Variants in WWOX observed in about 807,000 individuals in gnomAD.
WWOX encodes the protein WW domain containing oxidoreductase, also known as WW domain-containing oxidoreductase.
A neutral mutation model predicts 46.2 loss-of-function variants in WWOX; 69 were observed. The ratio of observed to expected loss-of-function variants is 1.49; its 90% CI spans 1.23 to 1.82. WWOX has a LOEUF of 1.82. Among genes scored for constraint, WWOX ranks in the 40% most tolerant of loss-of-function variants. The pLI is 0.00. For synonymous variants in WWOX, 359 were observed against 202.6 expected (o/e 1.77, Z -6.56); for missense variants, 919 against 542.6 (o/e 1.69, Z -6.89).
chr16:78,945,256 C>T (rs183421306), intron 8 of WWOX, among the ~76,000 whole-genome samples: 1 of 152,246 alleles, frequency 6.6e-6, no homozygotes, highest in African/African-American at 2.4e-5. Context: ...AACAGTGGCA[C>T]CAGTTCTTCT....
At position 78,432,659 on chromosome 16, in the gene WWOX, G is replaced by A. The variant is rs762380974; in HGVS notation, c.963G>A (p.Val321=). 3 of 1,614,194 alleles carry A rather than the reference G, an allele frequency of 1.9e-6. No homozygotes were observed. Among genetic ancestry groups the A allele is most frequent in the Non-Finnish European group, 2.5e-6 (3 of 1,180,032 alleles). ...CACGCGGGGTCACGTCGAACGCAGT[G>A]CATCCTGGAAATATGATGTACTCCA... ...LSPRGVTSNA[V]HPGNMMYSNI... The change falls in exon 8 of 9, where the codon GTG becomes GTA. Residue 321 remains valine, a synonymous_variant. Transcript: ENST00000566780.
In WWOX at chr16:78,843,204, A is replaced by G. The variant is rs1200042706; in HGVS notation, c.1057-368404A>G. ...AGGAGAGGAAAATTCAATAAACACA[A>G]AAGCAAAGATTAGAACGTTGAAAGC... On this transcript the variant is annotated intron_variant, in intron 8 of 8. Transcript: ENST00000566780. Among the ~76,000 whole-genome samples the G allele has an allele frequency of 1.3e-5, 2 of 150,096 alleles. 1 individual carries two copies. The highest frequency in any genetic ancestry group is 3.0e-5 in the Non-Finnish European group (2 of 67,050).
chr16:78,343,808 C>T (rs185837911), intron 5 of WWOX, among the ~76,000 whole-genome samples: 2 of 120,400 alleles, frequency 1.7e-5, no homozygotes, highest in East Asian at 3.9e-4. Context: ...AGTTCTTTGT[C>T]ATTCAGCTGC....
chr16:79,114,385 T>A (rs984611465), intron 8 of WWOX, among the ~76,000 whole-genome samples: 4 of 151,588 alleles, frequency 2.6e-5, no homozygotes, highest in African/African-American at 9.7e-5. Context: ...TGCACACATA[T>A]CTACGTATCT....
rs576417734 is a variant in WWOX, at chr16:79,152,427, T to C, written c.1057-59181T>C. 7.9e-5 allele frequency among the ~76,000 whole-genome samples: 12 copies of C among 152,200 alleles called. No homozygotes were observed. In the South Asian group the frequency reaches 2.5e-3, roughly 32 times the overall value. On this transcript the variant is annotated intron_variant, in intron 8 of 8. Coordinates refer to ENST00000566780, the MANE Select transcript of WWOX (RefSeq NM_016373.4). The stretch of plus-strand genomic sequence containing the variant: ...TGTCTCATGCCTGTAATCCCAGCAC[T>C]TTGGGACGATGAGGCGGGCGGATCA...
At chr16:78,829,632 C>G (rs1403149793) in intron 8 of WWOX, among the ~76,000 whole-genome samples, 1 of 152,116 alleles carries the variant, frequency 6.6e-6, no homozygotes, top group East Asian at 1.9e-4. Context: ...TCACACCTTT[C>G]CCTTAGCCTG....
chr16:78,386,469 A>C (rs1357951597), intron 5 of WWOX, among the ~76,000 whole-genome samples: 2 of 152,150 alleles, frequency 1.3e-5, no homozygotes, highest in African/African-American at 2.4e-5. Context: ...GCAGCTTTTG[A>C]AATTAAGATA....
chr16:78,900,980 C>A (rs370945235), intron 8 of WWOX, among the ~76,000 whole-genome samples: 1 of 152,168 alleles, frequency 6.6e-6, no homozygotes, highest in Admixed American at 6.5e-5. Flanking sequence ...ACCACAGTTT[C>A]CATGAGCGTT....
chr16:78,479,275 G>A (rs1411283345), intron 8 of WWOX, among the ~76,000 whole-genome samples: 2 of 152,172 alleles, frequency 1.3e-5, no homozygotes, highest in African/African-American at 4.8e-5. Context: ...ATATGGATAT[G>A]AATTTGTATC....
At chr16:79,185,909 T>G (rs1299256602) in intron 8 of WWOX, among the ~76,000 whole-genome samples, 2 of 151,922 alleles carry the variant, frequency 1.3e-5, no homozygotes, top group East Asian at 3.9e-4. Flanking sequence ...TTAGGAAAAA[T>G]ACGGTAAGGC....
At chr16:78,917,579 T>G (rs1278065245) in intron 8 of WWOX, among the ~76,000 whole-genome samples, 2 of 152,052 alleles carry the variant, frequency 1.3e-5, no homozygotes, top group Non-Finnish European at 2.9e-5. Flanking sequence ...ACTGCCACAA[T>G]CAAACATATT....
At chr16:78,601,685 G>T (rs954143388) in intron 8 of WWOX, among the ~76,000 whole-genome samples, 1 of 152,164 alleles carries the variant, frequency 6.6e-6, no homozygotes, top group South Asian at 2.1e-4. Flanking sequence ...GATGGAAATT[G>T]TAGAGTGGAA....
chr16:78,103,083 CT>C (rs1201688786), intron 1 of WWOX, among the ~76,000 whole-genome samples: 1 of 152,116 alleles, frequency 6.6e-6, no homozygotes, highest in Non-Finnish European at 1.5e-5. Flanking sequence ...TGCGTGCCCC[CT>C]GCGCCTGCCT....
intron 8 of WWOX, among the ~76,000 whole-genome samples, chr16:79,066,365 G>C (rs1309658185): frequency 1.3e-5 from 2 of 152,132 alleles, no homozygotes; most frequent in Admixed American, 1.3e-4. Flanking sequence ...GTGGGACATA[G>C]TAGACTCCAT....
chr16:78,294,431 G>T (rs1438885020), intron 5 of WWOX, among the ~76,000 whole-genome samples: 1 of 151,952 alleles, frequency 6.6e-6, no homozygotes, highest in African/African-American at 2.4e-5. Context: ...AATATTGCTG[G>T]CTTCTACTTG....
At chr16:78,620,222 C>T (rs1020748213) in intron 8 of WWOX, among the ~76,000 whole-genome samples, 2 of 152,158 alleles carry the variant, frequency 1.3e-5, no homozygotes, top group Admixed American at 6.5e-5. Flanking sequence ...AACCAAGAAG[C>T]AGCAAGCTGT....
At chr16:79,187,358 C>A (rs557093039) in intron 8 of WWOX, among the ~76,000 whole-genome samples, 4 of 152,148 alleles carry the variant, frequency 2.6e-5, no homozygotes, top group Non-Finnish European at 4.4e-5. Context: ...CCTCCTATGC[C>A]CCTACGAACC....
chr16:78,782,863 C>T (rs771966061), intron 8 of WWOX, among the ~76,000 whole-genome samples: 1 of 152,110 alleles, frequency 6.6e-6, no homozygotes, highest in Non-Finnish European at 1.5e-5. Context: ...GTTAATTATA[C>T]AATGATCCAA....
intron 8 of WWOX, among the ~76,000 whole-genome samples, chr16:78,740,342 C>A (rs2049188518): frequency 6.6e-6 from 1 of 152,190 alleles, no homozygotes; most frequent in South Asian, 2.1e-4. Context: ...TTAAATCAAG[C>A]AGCCTCTCTT....
Sources: allele counts gnomAD v4.1 joint callset (sites outside exome capture counted in the v4.1 genomes callset), GRCh38; gene constraint gnomAD v4.1.1; transcripts MANE v1.5; gene names NCBI Gene and HGNC (gene_info 2026-07-23, HGNC 2026-07-21).